SUPT6H: variants seen among roughly 807,000 people sequenced by gnomAD.
SUPT6H encodes transcription elongation factor SPT6.
In SUPT6H, 11 loss-of-function variants were observed where a neutral mutation model predicts 222.3. The ratio of observed to expected loss-of-function variants is 0.05; its 90% CI spans 0.03 to 0.08. The LOEUF is 0.08. Ranked by LOEUF, SUPT6H falls within the 10% of genes least tolerant of loss-of-function variation. The pLI, the probability that SUPT6H is intolerant of heterozygous loss-of-function variation, is 1.00. For synonymous variants in SUPT6H, 762 were observed against 801.2 expected (o/e 0.95, Z 0.83); for missense variants, 1,422 against 2,216.0 (o/e 0.64, Z 7.19).
intron 32 of SUPT6H, among the ~76,000 whole-genome samples, chr17:28,698,386 C>T (rs1160630703): frequency 6.6e-6 from 1 of 152,256 alleles, no homozygotes; most frequent in Admixed American, 6.5e-5. Context: ...CTCACCAGGG[C>T]TTGCACACAG....
chr17:28,679,291 T>C (rs2030944074), intron 11 of SUPT6H, among the ~76,000 whole-genome samples: 1 of 152,074 alleles, frequency 6.6e-6, no homozygotes, highest in African/African-American at 2.4e-5. Flanking sequence ...GAGAATTGCT[T>C]GAACCTGGGA....
At chr17:28,673,670 T>G in intron 2 of SUPT6H, 160 bp downstream of exon 2, 1 of 607,856 alleles carries the variant, frequency 1.6e-6, no homozygotes, top group Non-Finnish European at 3.0e-6. Context: ...ACTGAGCATC[T>G]GTCTGTATGC....
rs759967963 is a variant in SUPT6H at position 28,687,229 on chromosome 17, A to G, written c.2838+4A>G. On this transcript the variant is annotated splice_donor_region_variant and intron_variant, in intron 22 of 36. Transcript: ENST00000314616. ...TCTCAAGTTTCACCCCTTGCAGGTG[A>G]GTAGGATTTGACAGGCAGGCTCGGG... The G allele has an allele frequency of 2.5e-5, 41 of 1,614,166 alleles. No individual in the cohort carries two copies. The East Asian group carries it at 8.9e-4, about 35-fold the overall frequency.
At position 28,675,517 on chromosome 17, in the gene SUPT6H, A is replaced by G. The variant is rs377376109; in HGVS notation, c.623+32A>G. 462 of 1,609,196 alleles carry G rather than the reference A, an allele frequency of 2.9e-4. 1 individual carries two copies. Among genetic ancestry groups the G allele is most frequent in the Non-Finnish European group, 2.2e-4 (256 of 1,175,680 alleles). ...GGGGTCTGGTACAAGGTGGGGATAA[A>G]GTGATTGAGTGGGCCCAGTCAGGAA... On this transcript the variant is annotated intron_variant, in intron 6 of 36. Coordinates refer to ENST00000314616, the MANE Select transcript of SUPT6H (RefSeq NM_003170.5).
intron 1 of SUPT6H, among the ~76,000 whole-genome samples, chr17:28,665,429 C>A (rs932303302): frequency 1.3e-5 from 2 of 152,192 alleles, no homozygotes; most frequent in Non-Finnish European, 2.9e-5. Flanking sequence ...TGGACCTAGT[C>A]TTGTACGTGC....
rs774765652 is a variant in SUPT6H at position 28,681,848 on chromosome 17, T to C, written c.1499-34T>C. On this transcript the variant is annotated intron_variant, in intron 12 of 36. Coordinates refer to ENST00000314616, the MANE Select transcript of SUPT6H (RefSeq NM_003170.5). ...CAGATCCTTGGGAGTGATTGGAAAC[T>C]AGAACCCTAAATCTCCCCATGTTTT... is the stretch of plus-strand genomic sequence containing the variant. 2.5e-6 allele frequency: 4 copies of C among 1,571,558 alleles called. No homozygotes were observed. The East Asian group carries it at 6.8e-5, about 27-fold the overall frequency.
chr17:28,695,487 G>C lies in SUPT6H; in HGVS notation c.3910G>C (p.Asp1304His), dbSNP rs2031861237. The C allele has an allele frequency of 1.9e-6, 3 of 1,614,112 alleles. No homozygotes were observed. The highest frequency in any genetic ancestry group is 2.5e-6 in the Non-Finnish European group (3 of 1,180,046). ...GCCCAAAGACACCTACTATGACTTT[G>C]ATGCTGAAGCTGCAGACCACAAGCA... ...KLPKDTYYDF[D>H]AEAADHKQEE... Residue 1304 changes from aspartate (D) to histidine (H), a missense_variant, in exon 29 of 37, where the codon GAT becomes CAT. Around this residue, in one of 13 missense-constraint regions of SUPT6H, gnomAD observed 395 missense variants for 580.6 expected, o/e 0.68. Coordinates refer to ENST00000314616, the MANE Select transcript of SUPT6H (RefSeq NM_003170.5).
rs1476599229 is a variant in SUPT6H at position 28,697,079 on chromosome 17, T to C, written c.4206T>C (p.Ser1402=). Residue 1402 remains serine, a synonymous_variant, in exon 30 of 37, where the codon AGT becomes AGC. Transcript: ENST00000314616. ...FSLGATLWIN[S]EEFEDLDEIV... ...TGGGAGCCACTCTGTGGATCAACAG[T>C]GAGGTGAGAGCCAGTGCCTGCCCAC... is the stretch of plus-strand genomic sequence containing the variant. 15 of 1,613,844 alleles carry C rather than the reference T, an allele frequency of 9.3e-6. No individual in the cohort carries two copies. The African/African-American group carries it at 1.2e-4, about 13-fold the overall frequency.
Position 28,677,673 on chromosome 17 carries a change from C to A in SUPT6H, c.898-42C>A, listed in dbSNP as rs762461956. On this transcript the variant is annotated intron_variant, in intron 7 of 36. Transcript: ENST00000314616. ...AGGTATGTTTTTCTTAAGTGAGACACAAGATAAAGTCCGTCTCACCCTGTT... is the reference window on the plus strand; with the variant it reads ...AGGTATGTTTTTCTTAAGTGAGACAAAAGATAAAGTCCGTCTCACCCTGTT... The A allele has an allele frequency of 2.1e-6, 3 of 1,419,086 alleles. No homozygotes were observed. In the South Asian group the frequency reaches 3.6e-5, roughly 17 times the overall value. The allele number at this position is 1,419,086 out of a possible 1,614,324, so 87.9% of individuals were successfully genotyped here. A position where few individuals can be genotyped will look rare whatever the true frequency, so the allele number is the denominator to read the frequency against.
At position 28,701,527 on chromosome 17, in the gene SUPT6H, C is replaced by T. The variant is rs141824877; in HGVS notation, c.5083C>T (p.Arg1695Trp). The change falls in exon 37 of 37, where the codon CGG becomes TGG. Residue 1695 changes from arginine (R) to tryptophan (W), a missense_variant. Physicochemically the swap from Arg to Trp is moderately radical, Grantham distance 101. Transcript: ENST00000314616. Reference protein sequence around the residue: ...KEAERRKQKQRLTPRPSPSPM... With the variant: ...KEAERRKQKQWLTPRPSPSPM... ...GGCAGAACGGCGGAAACAGAAGCAG[C>T]GGCTGACACCTCGGCCCTCCCCCAG... The T allele has an allele frequency of 5.6e-6, 9 of 1,614,120 alleles. No individual in the cohort carries two copies. The highest frequency in any genetic ancestry group is 7.6e-6 in the Non-Finnish European group (9 of 1,180,030).
chr17:28,687,814 G>A (rs1340187365), intron 23 of SUPT6H, among the ~76,000 whole-genome samples: 4 of 152,104 alleles, frequency 2.6e-5, no homozygotes, highest in Admixed American at 6.5e-5. Flanking sequence ...CACTGCGCCC[G>A]GCCAACTAGT....
At chr17:28,682,086 A>G in intron 13 of SUPT6H, 106 bp downstream of exon 13, 1 of 871,910 alleles carries the variant, frequency 1.1e-6, no homozygotes, top group South Asian at 1.7e-5. Context: ...TGGGTCAATC[A>G]CCAATCCAAT....
Position 28,690,952 on chromosome 17 carries a change from T to C in SUPT6H, c.3522T>C (p.Ile1174=), listed in dbSNP as rs2151648968. The C allele has an allele frequency of 6.2e-7, 1 of 1,613,924 alleles. No individual in the cohort carries two copies. The highest frequency in any genetic ancestry group is 1.7e-4 in the Middle Eastern group (1 of 5,878). ...GKLIICNVTG[I]AHRRPQGESY... is the part of the protein sequence containing the mutation. ...TCATCATCTGCAATGTCACTGGCAT[T>C]GCCCACAGGCGTCCCCAGGGTGAGA... Residue 1174 remains isoleucine, a synonymous_variant, in exon 27 of 37, where the codon ATT becomes ATC. Coordinates refer to ENST00000314616, the MANE Select transcript of SUPT6H (RefSeq NM_003170.5).
At chr17:28,692,862 A>G (rs2031731021) in intron 27 of SUPT6H, among the ~76,000 whole-genome samples, 1 of 147,298 alleles carries the variant, frequency 6.8e-6, no homozygotes, top group Non-Finnish European at 1.5e-5. Flanking sequence ...TTAGCTGGGC[A>G]TGGTGGCGGG....
chr17:28,697,813 C>T (rs2031988094), intron 31 of SUPT6H, 80 bp downstream of exon 31: 1 of 1,605,856 alleles, frequency 6.2e-7, no homozygotes, highest in East Asian at 2.2e-5. Context: ...AGGGGACACT[C>T]AGGCGGTGAA....
At chr17:28,689,628 G>A (rs1258014425) in intron 25 of SUPT6H, 67 bp downstream of exon 25, 1 of 1,476,196 alleles carries the variant, frequency 6.8e-7, no homozygotes, top group Admixed American at 1.7e-5. Flanking sequence ...TAGGAGACTT[G>A]GGCAGTGAGT....
chr17:28,689,280 C>G, intron 24 of SUPT6H, 74 bp from the exon 25 acceptor site: 1 of 1,415,518 alleles, frequency 7.1e-7, no homozygotes, highest in Non-Finnish European at 9.9e-7. Context: ...AACCAGTTCC[C>G]CATTGGTGGA....
At chr17:28,663,083 G>T (rs1044032736) in intron 1 of SUPT6H, among the ~76,000 whole-genome samples, 20 of 152,138 alleles carry the variant, frequency 1.3e-4, no homozygotes, top group African/African-American at 4.3e-4. Context: ...AAATACTTCC[G>T]TGGAAATTCA....
At position 28,684,871 on chromosome 17, in the gene SUPT6H, C is replaced by A; in HGVS notation, c.2397C>A (p.Val799=). Residue 799 remains valine, a synonymous_variant, in exon 19 of 37, where the codon GTC becomes GTA. Coordinates refer to ENST00000314616, the MANE Select transcript of SUPT6H (RefSeq NM_003170.5). ...ATCACCCTGTGTTCTGCGCCCTGGT[C>A]AATGGTGAAGGAGAAGTGACAGACT... ...ARDHPVFCAL[V]NGEGEVTDFL... is the part of the protein sequence containing the mutation. 2 of 1,614,162 alleles carry A rather than the reference C, an allele frequency of 1.2e-6. No individual in the cohort carries two copies. Among genetic ancestry groups the A allele is most frequent in the South Asian group, 2.2e-5 (2 of 91,034 alleles).
Sources: allele counts gnomAD v4.1 joint callset (sites outside exome capture counted in the v4.1 genomes callset), GRCh38; gene constraint gnomAD v4.1.1; regional missense constraint gnomAD v4.1.1; transcripts MANE v1.5; gene names NCBI Gene and HGNC (gene_info 2026-07-23, HGNC 2026-07-21).